DYNC2I1: variants seen among roughly 807,000 people sequenced by gnomAD.
The protein encoded by DYNC2I1 is dynein 2 intermediate chain 1.
Under a neutral mutation model 133.4 loss-of-function variants are expected in DYNC2I1, and 89 were observed. The observed-to-expected ratio is 0.67, with a 90% CI of 0.56 to 0.80. The LOEUF (loss-of-function observed/expected upper bound fraction) is 0.80. DYNC2I1 is among the 30% of genes least tolerant of loss of function. The probability of loss-of-function intolerance (pLI) is 0.00; values close to 1 mark genes in which losing one functional copy is unlikely to be tolerated. For missense variants in DYNC2I1, 1,291 were observed against 1,314.5 expected (o/e 0.98, Z 0.28); for synonymous variants, 504 against 484.3 (o/e 1.04, Z -0.54).
intron 1 of DYNC2I1, chr7:158,869,430 G>A (rs1187332182): frequency 1.3e-5 from 6 of 471,406 alleles, no homozygotes; most frequent in South Asian, 9.3e-5. Flanking sequence ...TTCTGTCCTG[G>A]GTTGAGCCCA....
chr7:158,897,830 A>G (rs1488217308), intron 8 of DYNC2I1, among the ~76,000 whole-genome samples: 1 of 152,174 alleles, frequency 6.6e-6, no homozygotes, highest in Non-Finnish European at 1.5e-5. Context: ...CAAGCTAGAA[A>G]CTTAGATGAT....
chr7:158,905,966 T>C, intron 10 of DYNC2I1, 23 bp from the exon 11 acceptor site: 2 of 1,582,300 alleles, frequency 1.3e-6, no homozygotes, highest in Non-Finnish European at 1.7e-6. Context: ...GTTGGAAAAA[T>C]AGTGTTTTTC....
chr7:158,936,697 C>T (rs548329378), intron 23 of DYNC2I1, among the ~76,000 whole-genome samples: 4 of 152,278 alleles, frequency 2.6e-5, no homozygotes, highest in East Asian at 3.9e-4. Context: ...TCAGAGTGGC[C>T]GCTCATAGCA....
chr7:158,944,863 G>A, intron 24 of DYNC2I1, among the ~76,000 whole-genome samples: 1 of 152,228 alleles, frequency 6.6e-6, no homozygotes, highest in East Asian at 1.9e-4. Flanking sequence ...AGTTGCAGGT[G>A]CCAGGAGTGT....
chr7:158,944,575 C>G (rs1040559901), intron 24 of DYNC2I1, among the ~76,000 whole-genome samples: 7 of 152,174 alleles, frequency 4.6e-5, no homozygotes, highest in African/African-American at 1.7e-4. Context: ...CATGGTCTGC[C>G]CCTTTTGGGG....
chr7:158,932,702 G>T (rs1850348160), intron 21 of DYNC2I1, among the ~76,000 whole-genome samples: 1 of 152,168 alleles, frequency 6.6e-6, no homozygotes, highest in South Asian at 2.1e-4. Flanking sequence ...AGGAAGGGAG[G>T]CTGGAGTCAG....
chr7:158,854,607 G>A (rs553732157), upstream of DYNC2I1, among the ~76,000 whole-genome samples: 48 of 152,174 alleles, frequency 3.2e-4, no homozygotes, highest in African/African-American at 1.1e-3. Flanking sequence ...AAACCTGCAC[G>A]TTCTGCACAT....
intron 3 of DYNC2I1, among the ~76,000 whole-genome samples, chr7:158,875,255 C>T (rs1032295884): frequency 2.3e-4 from 35 of 152,076 alleles, no homozygotes; most frequent in African/African-American, 7.7e-4. Flanking sequence ...CCACGACGCC[C>T]GGCTAATTTT....
In DYNC2I1 at chr7:158,934,170, C is replaced by A; in HGVS notation, c.2588C>A (p.Thr863Lys). 1 of 1,612,642 alleles carries A rather than the reference C, an allele frequency of 6.2e-7. No homozygotes were observed. Among genetic ancestry groups the A allele is most frequent in the South Asian group, 1.1e-5 (1 of 90,536 alleles). The change falls in exon 22 of 25, where the codon ACA (threonine) becomes AAA (lysine). Residue 863 changes from threonine to lysine, a missense_variant. Transcript: ENST00000407559. Reference protein sequence around the residue: ...KGNEFWGTTQTLNVKFLPSDP... With the variant: ...KGNEFWGTTQKLNVKFLPSDP... ...AATGAATTTTGGGGCACTACACAAA[C>A]ACTGAATGTTAAATTTCTGCCTTCA...
rs761082389 is a variant in DYNC2I1 at position 158,913,036 on chromosome 7, G to A, written c.1642G>A (p.Glu548Lys). The change falls in exon 13 of 25, where the codon GAA (glutamate) becomes AAA (lysine). Residue 548 changes from glutamate (E) to lysine (K), a missense_variant. Physicochemically the swap from Glu to Lys is moderately conservative, Grantham distance 56 (BLOSUM62 1). Coordinates refer to ENST00000407559, the MANE Select transcript of DYNC2I1 (RefSeq NM_018051.5). ...TGTTGAAAGAGACATTCAAACGGAG[G>A]AAATAGAGACCAGGGAAGTGTGGAC... ...DNVERDIQTE[E>K]IETREVWTQH... 19 of 1,613,620 alleles carry A rather than the reference G, an allele frequency of 1.2e-5. No individual in the cohort carries two copies. The highest frequency in any genetic ancestry group is 2.2e-5 in the South Asian group (2 of 91,000).
At chr7:158,846,052 G>A in the DYNC2I1 span, among the ~76,000 whole-genome samples, 2 of 152,150 alleles carry the variant, frequency 1.3e-5, no homozygotes, top group Admixed American at 6.5e-5. Context: ...TTGAGACTAG[G>A]AGTTCGAGAC....
chr7:158,898,250 C>T (rs955416017), intron 8 of DYNC2I1, among the ~76,000 whole-genome samples: 5 of 152,148 alleles, frequency 3.3e-5, no homozygotes, highest in Non-Finnish European at 5.9e-5. Context: ...CCATTATACC[C>T]GGTTCACTGA....
At chr7:158,937,353 G>A (rs1291408994) in intron 23 of DYNC2I1, among the ~76,000 whole-genome samples, 9 of 152,206 alleles carry the variant, frequency 5.9e-5, no homozygotes, top group Non-Finnish European at 7.3e-5. Context: ...AATGCTGGGC[G>A]CGGTGGCTCA....
the DYNC2I1 span, among the ~76,000 whole-genome samples, chr7:158,840,548 C>T: frequency 4.6e-5 from 7 of 152,184 alleles, no homozygotes; most frequent in South Asian, 2.1e-4. Flanking sequence ...CCCTGGGTGA[C>T]AGAGCAAGAC....
intron 20 of DYNC2I1, among the ~76,000 whole-genome samples, chr7:158,928,105 C>G (rs1225852608): frequency 1.3e-5 from 2 of 152,238 alleles, no homozygotes; most frequent in South Asian, 2.1e-4. Flanking sequence ...GGCAAAGGTC[C>G]CCGGGTTTGG....
intron 23 of DYNC2I1, among the ~76,000 whole-genome samples, chr7:158,938,718 C>T (rs1261892366): frequency 2.6e-5 from 4 of 151,868 alleles, no homozygotes; most frequent in Non-Finnish European, 2.9e-5. Context: ...ATTGCACCAC[C>T]GCACTCCAGT....
intron 14 of DYNC2I1, among the ~76,000 whole-genome samples, chr7:158,916,097 C>T (rs1474804375): frequency 1.3e-5 from 1 of 79,538 alleles, no homozygotes; most frequent in African/African-American, 4.1e-5. Flanking sequence ...GATTGTGAAA[C>T]GTCGACACGC....
At chr7:158,856,783 G>T in intron 1 of DYNC2I1, 33 bp downstream of exon 1, 1 of 1,233,328 alleles carries the variant, frequency 8.1e-7, no homozygotes. Context: ...GCGAGGGGTG[G>T]TCGAGCTTCG....
intron 1 of DYNC2I1, among the ~76,000 whole-genome samples, chr7:158,867,439 T>C (rs1400392529): frequency 6.6e-6 from 1 of 152,202 alleles, no homozygotes; most frequent in Non-Finnish European, 1.5e-5. Flanking sequence ...GAGCTGTGGC[T>C]GCACTGGCAA....
Sources: allele counts gnomAD v4.1 joint callset (sites outside exome capture counted in the v4.1 genomes callset), GRCh38; gene constraint gnomAD v4.1.1; transcripts MANE v1.5; gene names NCBI Gene and HGNC (gene_info 2026-07-23, HGNC 2026-07-21).